Variants in COMMD1 observed in about 807,000 individuals in gnomAD.
COMMD1 encodes copper metabolism domain containing 1.
In COMMD1, 10 loss-of-function variants were observed where a neutral mutation model predicts 17.2. That is an observed-to-expected ratio of 0.58 (90% CI 0.36 to 0.99). The LOEUF is 0.99. Among genes scored for constraint, COMMD1 ranks in the 50% least tolerant of loss-of-function variants. The pLI is 0.01. For synonymous variants in COMMD1, 97 were observed against 91.6 expected, an observed-to-expected ratio of 1.06 and a Z score of -0.34; for missense variants, 270 against 231.8, an observed-to-expected ratio of 1.17 and a Z score of -1.07.
At chr2:61,920,979 ATATT>A (rs1283309324) in intron 1 of COMMD1, among the ~76,000 whole-genome samples, 2 of 131,120 alleles carry the variant, frequency 1.5e-5, no homozygotes, top group African/African-American at 3.1e-5. Context: ...ATATATATAT[ATATT>A]TTTTTTTTTT....
chr2:61,992,888 T>C (rs1672287528), intron 1 of COMMD1, among the ~76,000 whole-genome samples: 1 of 152,246 alleles, frequency 6.6e-6, no homozygotes, highest in Admixed American at 6.5e-5. Flanking sequence ...ATTTTCTTTT[T>C]TTCTTCCATT....
intron 2 of COMMD1, among the ~76,000 whole-genome samples, chr2:62,106,609 C>G (rs1039346336): frequency 1.3e-5 from 2 of 152,222 alleles, no homozygotes; most frequent in Non-Finnish European, 2.9e-5. Flanking sequence ...ATGAGCTTCA[C>G]TCAGACAGAG....
chr2:61,902,458 A>G (rs564328516), upstream of COMMD1, among the ~76,000 whole-genome samples: 450 of 150,956 alleles, frequency 3.0e-3, 1 homozygote, highest in Non-Finnish European at 4.2e-3. Flanking sequence ...GTGAGCCGAG[A>G]TCATGCCATT....
intron 2 of COMMD1, among the ~76,000 whole-genome samples, chr2:62,092,821 A>G (rs1050420868): frequency 2.0e-5 from 3 of 152,306 alleles, no homozygotes; most frequent in East Asian, 1.9e-4. Context: ...ACGATTTCAC[A>G]GGGCGATAAA....
intron 1 of COMMD1, among the ~76,000 whole-genome samples, chr2:61,969,678 G>A (rs1458922248): frequency 6.6e-6 from 1 of 152,148 alleles, no homozygotes; most frequent in African/African-American, 2.4e-5. Context: ...TGTGTGATGT[G>A]TTCCAGTTCA....
At chr2:62,120,770 G>C (rs1672720866) in intron 2 of COMMD1, among the ~76,000 whole-genome samples, 2 of 151,956 alleles carry the variant, frequency 1.3e-5, no homozygotes, top group African/African-American at 4.8e-5. Flanking sequence ...CTGTCACCCA[G>C]GCTGGAGTGC....
At chr2:62,071,749 C>T (rs1671205530) in intron 2 of COMMD1, among the ~76,000 whole-genome samples, 1 of 152,152 alleles carries the variant, frequency 6.6e-6, no homozygotes, top group Admixed American at 6.5e-5. Flanking sequence ...GCCATGGGAA[C>T]CCCAGAGCCA....
At chr2:62,027,355 T>A (rs1215451446) in intron 2 of COMMD1, among the ~76,000 whole-genome samples, 2 of 152,244 alleles carry the variant, frequency 1.3e-5, no homozygotes, top group Non-Finnish European at 1.5e-5. Context: ...GAGTTGACTC[T>A]GTTATTACTA....
intron 2 of COMMD1, among the ~76,000 whole-genome samples, chr2:62,009,208 G>T (rs930817008): frequency 6.6e-6 from 1 of 152,144 alleles, no homozygotes; most frequent in Admixed American, 6.5e-5. Context: ...GCTCTAAGAA[G>T]TGTTCCATAA....
exon 1 of COMMD1, chr2:61,888,792 G>C (rs1250545364): frequency 2.1e-6 from 1 of 487,604 alleles, no homozygotes; most frequent in Non-Finnish European, 3.6e-6. Context: ...GAGCGCCGGG[G>C]GAACCTTTAC....
Position 61,985,907 on chromosome 2 carries a change from A to C in COMMD1, c.181-14794A>C, listed in dbSNP as rs145613499. Among the ~76,000 whole-genome samples the C allele has an allele frequency of 7.2e-3, 1,102 of 152,106 alleles. 16 individuals carry two copies. Among genetic ancestry groups the C allele is most frequent in the African/African-American group, 0.025 (1,039 of 41,506 alleles). On this transcript the variant is annotated intron_variant, in intron 1 of 2. Transcript: ENST00000311832. ...TCTACTCACAATATGAGTAGTTCAC[A>C]CACCCCAATACAGTATTAGAATATT...
intron 2 of COMMD1, chr2:62,070,040 A>G (rs1193697326): frequency 6.6e-6 from 1 of 152,262 alleles, no homozygotes; most frequent in African/African-American, 2.4e-5. Context: ...GACTGCCCTC[A>G]CTTCAGATGC....
In COMMD1 at chr2:62,136,004, C is replaced by T; in HGVS notation, c.*63C>T. The T allele has an allele frequency of 1.2e-6, 1 of 855,454 alleles. No individual in the cohort carries two copies. Among genetic ancestry groups the T allele is most frequent in the South Asian group, 1.3e-5 (1 of 75,372 alleles). 53.0% of individuals were successfully genotyped at this position (855,454 alleles called of 1,614,324 possible). On this transcript the variant is annotated 3_prime_UTR_variant, in exon 3 of 3. Coordinates refer to ENST00000311832, the MANE Select transcript of COMMD1 (RefSeq NM_152516.4). ...GGTGTCCATGATCCCTCCCCACTGA[C>T]CTTTTCTAAGAAAATTCTTGTGCCC...
chr2:61,910,261 T>C (rs1397914674), intron 1 of COMMD1, among the ~76,000 whole-genome samples: 1 of 151,372 alleles, frequency 6.6e-6, no homozygotes, highest in Non-Finnish European at 1.5e-5. Context: ...GCCCCCCCCT[T>C]TTTTTTTAAG....
intron 2 of COMMD1, among the ~76,000 whole-genome samples, chr2:62,021,168 G>A (rs139566098): frequency 1.8e-3 from 280 of 152,246 alleles, no homozygotes; most frequent in Admixed American, 6.3e-3. Flanking sequence ...CTTTTAGATC[G>A]TTTTCTTGAC....
At chr2:61,942,143 G>A (rs566031054) in intron 1 of COMMD1, among the ~76,000 whole-genome samples, 15 of 151,996 alleles carry the variant, frequency 9.9e-5, no homozygotes, top group Middle Eastern at 3.4e-3. Context: ...TTGCTCTGTC[G>A]CCCAGGCTGG....
At chr2:61,951,703 G>A (rs1185399402) in intron 1 of COMMD1, among the ~76,000 whole-genome samples, 2 of 152,036 alleles carry the variant, frequency 1.3e-5, no homozygotes, top group East Asian at 1.9e-4. Flanking sequence ...ATGTATCCAC[G>A]AAACTATCAA....
intron 1 of COMMD1, among the ~76,000 whole-genome samples, chr2:61,911,059 G>A (rs1055121600): frequency 6.6e-6 from 1 of 151,574 alleles, no homozygotes; most frequent in African/African-American, 2.4e-5. Flanking sequence ...CTCCAGCCTG[G>A]GCAACAAGAG....
intron 2 of COMMD1, among the ~76,000 whole-genome samples, chr2:62,055,810 G>A (rs1471021393): frequency 1.3e-5 from 2 of 152,210 alleles, no homozygotes; most frequent in Non-Finnish European, 2.9e-5. Flanking sequence ...AGCACCATAA[G>A]TAGTTGAATT....
Sources: allele counts gnomAD v4.1 joint callset (sites outside exome capture counted in the v4.1 genomes callset), GRCh38; gene constraint gnomAD v4.1.1; transcripts MANE v1.5; gene names NCBI Gene and HGNC (gene_info 2026-07-23, HGNC 2026-07-21).